Variants in LRRK2 observed in about 807,000 individuals in gnomAD.
The protein encoded by LRRK2 is leucine rich repeat kinase 2.
Under a neutral mutation model 302.6 loss-of-function variants are expected in LRRK2, and 203 were observed. The ratio of observed to expected loss-of-function variants is 0.67; its 90% CI spans 0.60 to 0.75. LRRK2 has a LOEUF of 0.75. Among genes scored for constraint, LRRK2 ranks in the 30% least tolerant of loss-of-function variants. LRRK2 has a pLI of 0.00. For synonymous variants in LRRK2, 1,066 were observed against 1,031.9 expected (o/e 1.03, Z -0.63); for missense variants, 2,830 against 2,951.0 (o/e 0.96, Z 0.95).
intron 13 of LRRK2, among the ~76,000 whole-genome samples, chr12:40,260,478 G>A (rs17490810): frequency 4.1e-4 from 62 of 151,684 alleles, no homozygotes; most frequent in African/African-American, 1.4e-3. Flanking sequence ...ATGGTCGGGG[G>A]TGAGTGAGGC....
intron 40 of LRRK2, 139 bp downstream of exon 40, chr12:40,335,296 C>G: frequency 2.1e-6 from 2 of 974,840 alleles, no homozygotes; most frequent in South Asian, 2.8e-5. Context: ...TACCATTTCC[C>G]TGATCAAATT....
chr12:40,235,499 T>C (rs940146936), intron 3 of LRRK2, 127 bp from the exon 4 acceptor site: 13 of 686,526 alleles, frequency 1.9e-5, no homozygotes, highest in Non-Finnish European at 3.4e-5. Flanking sequence ...CAAAAACACA[T>C]GAGCTTCACT....
intron 5 of LRRK2, among the ~76,000 whole-genome samples, chr12:40,238,310 A>G (rs1208646070): frequency 1.3e-5 from 2 of 152,130 alleles, no homozygotes; most frequent in East Asian, 3.9e-4. Flanking sequence ...TGGGTTATAA[A>G]TCATGCCCCT....
At chr12:40,334,477 C>G (rs1220408809) in intron 39 of LRRK2, among the ~76,000 whole-genome samples, 2 of 152,182 alleles carry the variant, frequency 1.3e-5, no homozygotes, top group African/African-American at 4.8e-5. Flanking sequence ...AACATAAACA[C>G]TTGATTAACA....
chr12:40,235,793 GTTTTTTTT>G lies in LRRK2; in HGVS notation c.436+91_436+98del, dbSNP rs36024911. On this transcript the variant is annotated intron_variant, in intron 4 of 50. Transcript: ENST00000298910. ...CCATTAAGTAAATGTGTGTGTGTGT[GTTTTTTTT>G]TTTTTTTTTTTGAAGATCAGGATTA... 11 of 464,460 alleles carry G rather than the reference GTTTTTTTT, an allele frequency of 2.4e-5. No individual in the cohort carries two copies. The Admixed American group carries it at 2.5e-4, about 11-fold the overall frequency. The allele number at this position is 464,460 out of a possible 1,614,324, so 28.8% of individuals were successfully genotyped here.
chr12:40,363,291 A>T lies in LRRK2; in HGVS notation c.7029-111A>T, dbSNP rs1167203917. 5 of 890,538 alleles carry T rather than the reference A, an allele frequency of 5.6e-6. No individual in the cohort carries two copies. In the Admixed American group the frequency reaches 1.2e-4, roughly 22 times the overall value. 55.2% of individuals were successfully genotyped at this position (890,538 alleles called of 1,614,324 possible). ...ATAATTGCAATAGTCTAGCTTGTTT[A>T]GTTTTCAAAATAGTGTTTTTACATT... On this transcript the variant is annotated intron_variant, in intron 47 of 50. Transcript: ENST00000298910.
Position 40,322,076 on chromosome 12 carries a change from ATTTAC to A in LRRK2, c.5215_5219del (p.Tyr1739LysfsTer5). On this transcript the variant is annotated frameshift_variant, in exon 36 of 51. Coordinates refer to ENST00000298910, the MANE Select transcript of LRRK2 (RefSeq NM_198578.4). LOFTEE classifies it high-confidence loss of function. ...AAACAGAATGTATTGGCGACAAGGC[ATTTAC>A]TTAAATTGGTCTCCTGAAGCTTATT... 3 of 1,613,510 alleles carry A rather than the reference ATTTAC, an allele frequency of 1.9e-6. No homozygotes were observed. Among genetic ancestry groups the A allele is most frequent in the Non-Finnish European group, 2.5e-6 (3 of 1,179,548 alleles).
chr12:40,275,021 G>A, intron 16 of LRRK2, 28 bp downstream of exon 16: 2 of 1,613,152 alleles, frequency 1.2e-6, no homozygotes, highest in Non-Finnish European at 1.7e-6. Context: ...GAAAGAATTT[G>A]GGAACTTGTG....
intron 38 of LRRK2, among the ~76,000 whole-genome samples, chr12:40,324,532 A>G (rs930648370): frequency 4.6e-5 from 7 of 152,170 alleles, no homozygotes; most frequent in Non-Finnish European, 1.5e-5. Flanking sequence ...TTTTGACCTT[A>G]CTTTGTTTAG....
chr12:40,295,336 C>A, intron 22 of LRRK2, 91 bp from the exon 23 acceptor site: 2 of 1,193,870 alleles, frequency 1.7e-6, no homozygotes, highest in South Asian at 1.3e-5. Context: ...TTGAAGAAAG[C>A]CTGATTGCTA....
chr12:40,306,025 G>T, intron 28 of LRRK2, 59 bp downstream of exon 28: 1 of 1,339,294 alleles, frequency 7.5e-7, no homozygotes, highest in Non-Finnish European at 1.1e-6. Flanking sequence ...TCTACTCTCT[G>T]TGACTTTGAT....
At chr12:40,252,874 A>G in intron 10 of LRRK2, 36 bp from the exon 11 acceptor site, 1 of 1,345,738 alleles carries the variant, frequency 7.4e-7, no homozygotes, top group Non-Finnish European at 1.1e-6. Context: ...GTTATTTAAA[A>G]GATTACTACT....
chr12:40,271,752 A>G (rs1268505851), intron 14 of LRRK2, among the ~76,000 whole-genome samples: 1 of 152,158 alleles, frequency 6.6e-6, no homozygotes, highest in Non-Finnish European at 1.5e-5. Context: ...TAAAAATCAA[A>G]TGCTCATATT....
chr12:40,338,776 A>G (rs1945949903), intron 40 of LRRK2, among the ~76,000 whole-genome samples: 1 of 152,212 alleles, frequency 6.6e-6, no homozygotes, highest in Admixed American at 6.5e-5. Flanking sequence ...TTAAAGAGGC[A>G]TGTCTTATAA....
Position 40,251,487 on chromosome 12 carries a change from A to G in LRRK2, c.1124A>G (p.Asn375Ser). ...HVQEAACWAL[N>S]NLLMYQNSLH... ...CAGGAGGCCGCATGCTGGGCACTAA[A>G]TAATCTCCTTATGTACCAAAACAGT... The change falls in exon 10 of 51, where the codon AAT becomes AGT. Residue 375 changes from asparagine to serine, a missense_variant. Coordinates refer to ENST00000298910, the MANE Select transcript of LRRK2 (RefSeq NM_198578.4). 6.2e-7 allele frequency: 1 copy of G among 1,612,398 alleles called. No individual in the cohort carries two copies. Among genetic ancestry groups the G allele is most frequent in the Non-Finnish European group, 8.5e-7 (1 of 1,179,042 alleles).
chr12:40,349,976 G>A (rs905873339), intron 43 of LRRK2, among the ~76,000 whole-genome samples: 2 of 152,168 alleles, frequency 1.3e-5, no homozygotes, highest in African/African-American at 4.8e-5. Context: ...TTTTTTAACT[G>A]CCCAGTTAAC....
intron 28 of LRRK2, among the ~76,000 whole-genome samples, chr12:40,306,324 T>C (rs1037035167): frequency 2.0e-5 from 3 of 152,174 alleles, no homozygotes; most frequent in Non-Finnish European, 4.4e-5. Flanking sequence ...GTATTTCATA[T>C]AGCAACTAGT....
intron 10 of LRRK2, 58 bp from the exon 11 acceptor site, chr12:40,252,852 G>T: frequency 8.8e-7 from 1 of 1,138,966 alleles, no homozygotes; most frequent in South Asian, 1.2e-5. Flanking sequence ...TGGCAAGTGA[G>T]AATTTGAGAT....
chr12:40,238,152 T>C (rs1341592111), intron 5 of LRRK2, 49 bp downstream of exon 5: 3 of 1,562,806 alleles, frequency 1.9e-6, no homozygotes, highest in Non-Finnish European at 2.6e-6. Flanking sequence ...AAAAAAAGGC[T>C]TATACTGGGA....
Sources: allele counts gnomAD v4.1 joint callset (sites outside exome capture counted in the v4.1 genomes callset), GRCh38; gene constraint gnomAD v4.1.1; transcripts MANE v1.5; gene names NCBI Gene and HGNC (gene_info 2026-07-23, HGNC 2026-07-21).